ROR1: variants seen among roughly 807,000 people sequenced by gnomAD.
ROR1 encodes inactive tyrosine-protein kinase transmembrane receptor ROR1.
A neutral mutation model predicts 78.8 loss-of-function variants in ROR1; 19 were observed. The observed-to-expected ratio is 0.24, with a 90% confidence interval of 0.17 to 0.35. The LOEUF (loss-of-function observed/expected upper bound fraction) is 0.35. ROR1 is among the 10% of genes least tolerant of loss of function. The probability of loss-of-function intolerance (pLI) is 1.00; values close to 1 mark genes in which losing one functional copy is unlikely to be tolerated. For synonymous variants in ROR1, 386 were observed against 433.6 expected (o/e 0.89, Z 1.36); for missense variants, 917 against 1,177.8 (o/e 0.78, Z 3.24).
intron 4 of ROR1, among the ~76,000 whole-genome samples, chr1:64,080,933 AC>A (rs1647096644): frequency 1.3e-5 from 2 of 152,314 alleles, no homozygotes; most frequent in East Asian, 3.9e-4. Flanking sequence ...ATGGTACCTG[AC>A]TAGGTTACTC....
At chr1:64,069,466 G>C (rs1044351143) in intron 4 of ROR1, among the ~76,000 whole-genome samples, 1 of 152,088 alleles carries the variant, frequency 6.6e-6, no homozygotes, top group Non-Finnish European at 1.5e-5. Flanking sequence ...GCAGCAGTCT[G>C]ATAGGATTTC....
intron 1 of ROR1, among the ~76,000 whole-genome samples, chr1:63,858,281 T>C (rs1252574648): frequency 6.6e-6 from 1 of 152,212 alleles, no homozygotes; most frequent in African/African-American, 2.4e-5. Flanking sequence ...TGCTCTTGCC[T>C]GGTGATCCTG....
At chr1:63,825,643 C>T (rs1395255802) in intron 1 of ROR1, among the ~76,000 whole-genome samples, 1 of 152,124 alleles carries the variant, frequency 6.6e-6, no homozygotes, top group Non-Finnish European at 1.5e-5. Flanking sequence ...GAACTGTACA[C>T]TAAATGGGTG....
At chr1:64,031,957 G>A (rs960930752) in intron 2 of ROR1, among the ~76,000 whole-genome samples, 1 of 151,592 alleles carries the variant, frequency 6.6e-6, no homozygotes, top group African/African-American at 2.4e-5. Context: ...TGAATCAACT[G>A]CCAGTAACAT....
chr1:63,875,409 G>A (rs935479110), intron 1 of ROR1, among the ~76,000 whole-genome samples: 2 of 152,122 alleles, frequency 1.3e-5, no homozygotes, highest in Non-Finnish European at 2.9e-5. Context: ...GTGTTTTGGG[G>A]GAAATTACTT....
chr1:64,173,017 T>C (rs142672956), intron 8 of ROR1, among the ~76,000 whole-genome samples: 135 of 152,294 alleles, frequency 8.9e-4, no homozygotes, highest in African/African-American at 3.1e-3. Flanking sequence ...TTTAACTAGT[T>C]CAGGATTTAT....
At position 63,935,233 on chromosome 1, in the gene ROR1, A is replaced by G. The variant is rs1645785216; in HGVS notation, c.92-74072A>G. On this transcript the variant is annotated intron_variant, in intron 1 of 8. Coordinates refer to ENST00000371079, the MANE Select transcript of ROR1 (RefSeq NM_005012.4). ...TAATTTTCAGCCTTTGGTTAGGAAAACAGAATGGAGGGAGCTGTATGAACT... is the reference window on the plus strand; with the variant it reads ...TAATTTTCAGCCTTTGGTTAGGAAAGCAGAATGGAGGGAGCTGTATGAACT... Among the ~76,000 whole-genome samples, 3 of 152,086 alleles carry G rather than the reference A, an allele frequency of 2.0e-5. No individual in the cohort carries two copies. The South Asian group carries it at 6.2e-4, about 31-fold the overall frequency.
At chr1:64,121,175 CCTTCCTTCCTTT>C (rs1648525929) in intron 4 of ROR1, among the ~76,000 whole-genome samples, 1 of 146,912 alleles carries the variant, frequency 6.8e-6, no homozygotes, top group South Asian at 2.2e-4. Flanking sequence ...CCTGTCCCTC[CCTTCCTTCCTTT>C]CTTCCTTCCT....
intron 1 of ROR1, among the ~76,000 whole-genome samples, chr1:63,796,142 T>C (rs1361496488): frequency 6.6e-6 from 1 of 152,150 alleles, no homozygotes; most frequent in Non-Finnish European, 1.5e-5. Flanking sequence ...CGATGGGATT[T>C]TTTTTTTTCA....
chr1:64,064,953 C>G (rs1553155332), intron 4 of ROR1, among the ~76,000 whole-genome samples: 2 of 152,056 alleles, frequency 1.3e-5, no homozygotes, highest in African/African-American at 4.8e-5. Flanking sequence ...TGTTTTCTAT[C>G]TAGAAAAATA....
intron 8 of ROR1, among the ~76,000 whole-genome samples, chr1:64,173,493 C>T (rs371144744): frequency 2.8e-4 from 42 of 152,316 alleles, no homozygotes; most frequent in African/African-American, 8.7e-4. Context: ...CAGAGACATT[C>T]GGCTTCAATC....
chr1:64,080,409 G>T (rs1258735027), intron 4 of ROR1, among the ~76,000 whole-genome samples: 3 of 152,118 alleles, frequency 2.0e-5, no homozygotes, highest in Non-Finnish European at 4.4e-5. Context: ...AGAGACCATG[G>T]TCTGTTTTTA....
rs370036670 is a variant in ROR1, at chr1:64,029,009, T to C, written c.163+19633T>C. 25 of 152,300 alleles carry C rather than the reference T, an allele frequency of 1.6e-4. 1 individual carries two copies. The highest frequency in any genetic ancestry group is 4.6e-4 in the African/African-American group (19 of 41,556). The allele number at this position is 152,300 out of a possible 1,614,324, so 9.4% of individuals were successfully genotyped here. ...GCTGCCAAAACAAGCCCCAGAGGAA[T>C]TTTTAAGGTGTATTCAGATCATTGA... is the stretch of plus-strand genomic sequence containing the variant. On this transcript the variant is annotated intron_variant, in intron 2 of 8. Coordinates refer to ENST00000371079, the MANE Select transcript of ROR1 (RefSeq NM_005012.4).
At chr1:63,865,551 C>CT (rs1041712646) in intron 1 of ROR1, among the ~76,000 whole-genome samples, 3 of 151,868 alleles carry the variant, frequency 2.0e-5, no homozygotes, top group African/African-American at 7.3e-5. Flanking sequence ...TTGTGGAGTC[C>CT]TTTTTTTTCC....
intron 1 of ROR1, among the ~76,000 whole-genome samples, chr1:63,808,679 C>T (rs1394101650): frequency 6.6e-6 from 1 of 152,098 alleles, no homozygotes; most frequent in African/African-American, 2.4e-5. Flanking sequence ...AGAAATGTGT[C>T]ATGTGGGTCT....
chr1:64,008,800 A>G (rs1051230509), intron 1 of ROR1, among the ~76,000 whole-genome samples: 15 of 151,956 alleles, frequency 9.9e-5, no homozygotes, highest in South Asian at 4.2e-4. Context: ...AGGCAGGGCT[A>G]ATTTTTGTAT....
intron 4 of ROR1, among the ~76,000 whole-genome samples, chr1:64,121,567 G>A (rs560942688): frequency 6.6e-6 from 1 of 152,328 alleles, no homozygotes; most frequent in Admixed American, 6.5e-5. Context: ...TGGGCAGTGG[G>A]AATATGCACC....
intron 1 of ROR1, among the ~76,000 whole-genome samples, chr1:63,777,573 T>C (rs1447991046): frequency 6.6e-6 from 1 of 152,228 alleles, no homozygotes; most frequent in East Asian, 1.9e-4. Context: ...ATGCCTGGGA[T>C]AATCTGCCTG....
At chr1:63,977,862 T>C (rs1425846597) in intron 1 of ROR1, among the ~76,000 whole-genome samples, 2 of 152,246 alleles carry the variant, frequency 1.3e-5, no homozygotes, top group East Asian at 3.8e-4. Context: ...CAAAATGTTT[T>C]ACCTTTTTTG....
Sources: allele counts gnomAD v4.1 joint callset (sites outside exome capture counted in the v4.1 genomes callset), GRCh38; gene constraint gnomAD v4.1.1; transcripts MANE v1.5; gene names NCBI Gene and HGNC (gene_info 2026-07-23, HGNC 2026-07-21).